The following ARSG variants were observed in gnomAD, a reference collection of about 807,000 sequenced individuals.
ARSG encodes the protein ASG.
Under a neutral mutation model 50.5 loss-of-function variants are expected in ARSG, and 37 were observed. That is an observed-to-expected ratio of 0.73 (90% CI 0.56 to 0.96). The LOEUF is 0.96. Among genes scored for constraint, ARSG ranks in the 50% least tolerant of loss-of-function variants. The pLI is 0.00. For synonymous variants in ARSG, 225 were observed against 254.6 expected, an observed-to-expected ratio of 0.88 and a Z score of 1.11; for missense variants, 629 against 675.3, an observed-to-expected ratio of 0.93 and a Z score of 0.76.
At chr17:68,430,583 G>T in the ARSG span, among the ~76,000 whole-genome samples, 44 of 152,214 alleles carry the variant, frequency 2.9e-4, no homozygotes, top group Admixed American at 2.5e-3. Flanking sequence ...TCCTGAGCCA[G>T]ACTGAGTGGG....
At chr17:68,357,460 C>T (rs1052523146) in intron 6 of ARSG, among the ~76,000 whole-genome samples, 1 of 152,188 alleles carries the variant, frequency 6.6e-6, no homozygotes, top group Non-Finnish European at 1.5e-5. Context: ...CTCCCACTTA[C>T]GATAGCACTT....
downstream of ARSG, chr17:68,426,249 C>T (rs1006226): frequency 6.9e-5 from 54 of 787,810 alleles, 7 homozygotes; most frequent in East Asian, 1.8e-4. Flanking sequence ...GGGTGGGGAG[C>T]GGGGGCTCAA....
chr17:68,346,074 C>A (rs2078489459), intron 3 of ARSG, among the ~76,000 whole-genome samples: 1 of 152,104 alleles, frequency 6.6e-6, no homozygotes, highest in South Asian at 2.1e-4. Flanking sequence ...TAAGGTTTTG[C>A]CACGTTGCCC....
chr17:68,302,018 C>T (rs1389134945), intron 1 of ARSG, among the ~76,000 whole-genome samples: 1 of 152,158 alleles, frequency 6.6e-6, no homozygotes, highest in African/African-American at 2.4e-5. Flanking sequence ...TTTCTCCCCT[C>T]ACTGTCAAAA....
upstream of ARSG, among the ~76,000 whole-genome samples, chr17:68,287,473 T>C (rs1456209112): frequency 6.6e-5 from 10 of 152,172 alleles, no homozygotes; most frequent in African/African-American, 2.2e-4. Flanking sequence ...TGGTGGACTA[T>C]TCATTTCTAT....
At chr17:68,388,713 T>C (rs972909978) in intron 9 of ARSG, among the ~76,000 whole-genome samples, 1 of 151,440 alleles carries the variant, frequency 6.6e-6, no homozygotes, top group African/African-American at 2.4e-5. Context: ...GATCATGAGG[T>C]CAGGAGTTCG....
the ARSG span, among the ~76,000 whole-genome samples, chr17:68,440,041 C>A: frequency 6.6e-6 from 1 of 152,260 alleles, no homozygotes; most frequent in African/African-American, 2.4e-5. Context: ...GAACTTTCTG[C>A]AATACCTATT....
At chr17:68,330,978 C>CG (rs34615975) in intron 2 of ARSG, among the ~76,000 whole-genome samples, 30 of 65,804 alleles carry the variant, frequency 4.6e-4, no homozygotes, top group East Asian at 3.7e-3. Context: ...TTTTTTTTTG[C>CG]GGGGGGGGGG....
intron 9 of ARSG, among the ~76,000 whole-genome samples, chr17:68,394,686 T>C (rs2081153543): frequency 6.6e-6 from 1 of 152,240 alleles, no homozygotes; most frequent in East Asian, 1.9e-4. Context: ...TTTGGTACAA[T>C]CCAAGGTTCC....
chr17:68,386,890 A>G (rs1471089723), intron 9 of ARSG, among the ~76,000 whole-genome samples: 1 of 152,088 alleles, frequency 6.6e-6, no homozygotes, highest in African/African-American at 2.4e-5. Flanking sequence ...ACTGACTGAG[A>G]GGATGGTTTG....
chr17:68,306,713 T>C (rs782236376), intron 1 of ARSG, among the ~76,000 whole-genome samples: 1 of 152,192 alleles, frequency 6.6e-6, no homozygotes, highest in Non-Finnish European at 1.5e-5. Flanking sequence ...CTACAGTGAG[T>C]GGGTTGGCAG....
At chr17:68,262,338 G>A (rs1555745393) in intron 1 of ARSG, among the ~76,000 whole-genome samples, 2 of 151,986 alleles carry the variant, frequency 1.3e-5, no homozygotes, top group African/African-American at 4.8e-5. Context: ...AGGTGTGGTG[G>A]CGGGCGCCTG....
At chr17:68,421,731 C>G, downstream of ARSG, 1 of 1,614,008 alleles carries the variant, frequency 6.2e-7, no homozygotes, top group Non-Finnish European at 8.5e-7. Context: ...TCCAAAACCA[C>G]CTGATAGGGG....
At chr17:68,385,231 C>A in intron 9 of ARSG, 59 bp downstream of exon 9, 1 of 1,496,636 alleles carries the variant, frequency 6.7e-7, no homozygotes, top group Non-Finnish European at 9.3e-7. Flanking sequence ...GTCATGGAGG[C>A]ATGGGTGGCT....
chr17:68,450,628 G>A, the ARSG span: 1 of 1,434,174 alleles, frequency 7.0e-7, no homozygotes, highest in Non-Finnish European at 9.5e-7. Flanking sequence ...CATTAGAATT[G>A]GAAGCTTGTT....
chr17:68,259,280 A>T (rs3863515), exon 1 of ARSG: 1 of 151,958 alleles, frequency 6.6e-6, no homozygotes, highest in Non-Finnish European at 1.5e-5. Context: ...GAAGTGTGGG[A>T]TCGGTCGCTT....
intron 1 of ARSG, among the ~76,000 whole-genome samples, chr17:68,282,673 G>A (rs1196891878): frequency 2.0e-5 from 3 of 150,926 alleles, no homozygotes; most frequent in African/African-American, 7.3e-5. Context: ...GCCGGGCATG[G>A]TGGCTCATGC....
the ARSG span, chr17:68,450,986 A>G: frequency 1.3e-6 from 2 of 1,484,564 alleles, no homozygotes; most frequent in Non-Finnish European, 1.8e-6. Context: ...GGCGCAGGCC[A>G]GGTTCCAAAG....
intron 1 of ARSG, among the ~76,000 whole-genome samples, chr17:68,279,556 C>G (rs1440951975): frequency 6.6e-6 from 1 of 152,088 alleles, no homozygotes; most frequent in African/African-American, 2.4e-5. Context: ...AAATAAGGTA[C>G]TATTATACAA....
Sources: gnomAD v4.1 joint callset for allele counts (sites outside exome capture counted in the v4.1 genomes callset) on GRCh38, gnomAD v4.1.1 for gene constraint, MANE v1.5 for transcripts, NCBI Gene and HGNC (gene_info 2026-07-23, HGNC 2026-07-21) for gene names.